Variants in SLC25A15 observed in about 807,000 individuals in gnomAD.
The protein encoded by SLC25A15 is mitochondrial ornithine transporter 1.
SLC25A15 carries 24 observed loss-of-function variants against 32.3 expected under a neutral mutation model. The ratio of observed to expected loss-of-function variants is 0.74; its 90% CI spans 0.54 to 1.04. The LOEUF (loss-of-function observed/expected upper bound fraction) is 1.04. SLC25A15 is among the 50% of genes least tolerant of loss of function. The pLI is 0.00. For missense variants in SLC25A15, 317 were observed against 374.5 expected (o/e 0.85, Z 1.27); for synonymous variants, 132 against 142.1 (o/e 0.93, Z 0.51).
At chr13:40,797,988 A>G (rs963491683) in intron 2 of SLC25A15, among the ~76,000 whole-genome samples, 17 of 152,290 alleles carry the variant, frequency 1.1e-4, no homozygotes, top group African/African-American at 4.1e-4. Context: ...AATTTTTACT[A>G]AAATGATTTC....
chr13:40,793,155 C>A lies in SLC25A15; in HGVS notation c.-69-3C>A, dbSNP rs1248402586. ...CTAATGGTGAACTCTTGCCTCCCCC[C>A]AGGGATATGTGGTGCCTGTCATAAG... On this transcript the variant is annotated splice_region_variant and splice_polypyrimidine_tract_variant and intron_variant, in intron 1 of 6. Coordinates refer to ENST00000338625, the MANE Select transcript of SLC25A15 (RefSeq NM_014252.4). The A allele has an allele frequency of 1.1e-5, 16 of 1,502,938 alleles. No homozygotes were observed. The East Asian group carries it at 3.2e-4, about 30-fold the overall frequency. 93.1% of individuals were successfully genotyped at this position (1,502,938 alleles called of 1,614,324 possible).
At chr13:40,799,936 T>C (rs1881815498) in intron 3 of SLC25A15, among the ~76,000 whole-genome samples, 1 of 152,244 alleles carries the variant, frequency 6.6e-6, no homozygotes, top group South Asian at 2.1e-4. Flanking sequence ...TCTGTCCAAA[T>C]CTTCCCAAAA....
At chr13:40,802,578 C>CTT (rs796900075) in intron 3 of SLC25A15, among the ~76,000 whole-genome samples, 21 of 141,174 alleles carry the variant, frequency 1.5e-4, no homozygotes, top group South Asian at 2.3e-4. Context: ...TCCATCTGTG[C>CTT]TTTTTTTTTT....
chr13:40,809,222 G>T (rs1443277990), intron 6 of SLC25A15, among the ~76,000 whole-genome samples: 3 of 152,202 alleles, frequency 2.0e-5, no homozygotes, highest in African/African-American at 7.2e-5. Context: ...CTGCAAAGCT[G>T]CTGCCACCTC....
intron 4 of SLC25A15, among the ~76,000 whole-genome samples, 193 bp downstream of exon 4, chr13:40,805,448 A>T (rs529962474): frequency 1.3e-5 from 2 of 152,340 alleles, no homozygotes; most frequent in South Asian, 4.1e-4. Context: ...CACCCACTGC[A>T]TAAAAAGTCT....
intron 5 of SLC25A15, among the ~76,000 whole-genome samples, chr13:40,807,707 A>G (rs958183407): frequency 6.6e-6 from 1 of 152,236 alleles, no homozygotes; most frequent in Non-Finnish European, 1.5e-5. Flanking sequence ...TCTTACTGGA[A>G]TAAAGTTTTT....
intron 1 of SLC25A15, among the ~76,000 whole-genome samples, chr13:40,791,255 A>T (rs1881482660): frequency 6.6e-6 from 1 of 151,806 alleles, no homozygotes; most frequent in Non-Finnish European, 1.5e-5. Context: ...GTCTTGCTCC[A>T]GGCTTTAGTT....
chr13:40,791,928 G>T (rs921307543), intron 1 of SLC25A15, among the ~76,000 whole-genome samples: 2 of 152,178 alleles, frequency 1.3e-5, no homozygotes, highest in African/African-American at 4.8e-5. Context: ...GACGTTCAGG[G>T]TGACATTGGT....
At chr13:40,799,026 G>C in intron 2 of SLC25A15, 31 bp from the exon 3 acceptor site, 6 of 1,614,132 alleles carry the variant, frequency 3.7e-6, no homozygotes, top group Non-Finnish European at 4.2e-6. Flanking sequence ...CTGTAGCCTC[G>C]TACTAGAGCA....
At chr13:40,798,684 T>G in intron 2 of SLC25A15, 1 of 777,710 alleles carries the variant, frequency 1.3e-6, no homozygotes, top group Non-Finnish European at 1.6e-6. Flanking sequence ...ACGCTAACCC[T>G]GTGAGGTGGC....
intron 2 of SLC25A15, among the ~76,000 whole-genome samples, chr13:40,795,931 C>T (rs1263089978): frequency 6.6e-6 from 1 of 152,148 alleles, no homozygotes; most frequent in Non-Finnish European, 1.5e-5. Flanking sequence ...GGACTGTGAT[C>T]CCTGGGTCCC....
chr13:40,802,801 T>C (rs908990024), intron 3 of SLC25A15, among the ~76,000 whole-genome samples: 3 of 152,112 alleles, frequency 2.0e-5, no homozygotes, highest in African/African-American at 7.2e-5. Flanking sequence ...CTTGATCTCT[T>C]GACCTCGTGA....
In SLC25A15 at chr13:40,810,631, CA is replaced by C; in HGVS notation, c.*965del. On this transcript the variant is annotated 3_prime_UTR_variant, in exon 7 of 7. Coordinates refer to ENST00000338625, the MANE Select transcript of SLC25A15 (RefSeq NM_014252.4). ...AGATGCTCTACTCTTAAAATAGTGC[CA>C]TTCATTTTCTAGGTGGGATCATATT... 1 of 406,786 alleles carries C rather than the reference CA, an allele frequency of 2.5e-6. No individual in the cohort carries two copies. The highest frequency in any genetic ancestry group is 4.9e-6 in the Non-Finnish European group (1 of 204,224). 25.2% of individuals were successfully genotyped at this position (406,786 alleles called of 1,614,324 possible). A position where few individuals can be genotyped will look rare whatever the true frequency, so the allele number is the denominator to read the frequency against.
Position 40,810,710 on chromosome 13 carries a change from T to C in SLC25A15, c.*1043T>C. 3 of 533,072 alleles carry C rather than the reference T, an allele frequency of 5.6e-6. No individual in the cohort carries two copies. In the Admixed American group the frequency reaches 5.8e-5, roughly 10 times the overall value. The allele number at this position is 533,072 out of a possible 1,614,324, so 33.0% of individuals were successfully genotyped here. A position where few individuals can be genotyped will look rare whatever the true frequency, so the allele number is the denominator to read the frequency against. ...CCCAGAGGGTCAGGCCTTTGGGAAA[T>C]AGCATGGCCTTTACCAGCTTCCCTT... is the stretch of plus-strand genomic sequence containing the variant. On this transcript the variant is annotated 3_prime_UTR_variant, in exon 7 of 7. Transcript: ENST00000338625.
rs1881570859 is a variant in SLC25A15, at chr13:40,793,226, C to T, written c.-1C>T. The T allele has an allele frequency of 1.2e-6, 2 of 1,614,128 alleles. No individual in the cohort carries two copies. The highest frequency in any genetic ancestry group is 1.7e-5 in the Admixed American group (1 of 60,014). On this transcript the variant is annotated 5_prime_UTR_variant, in exon 2 of 7. Transcript: ENST00000338625. ...CAAGACCAGCAGAAGAGTGGGCAAA[C>T]ATGAAATCCAATCCTGCTATCCAGG...
intron 3 of SLC25A15, among the ~76,000 whole-genome samples, chr13:40,800,192 C>G (rs2282023): frequency 0.57 from 86,674 of 152,084 alleles, 24,955 homozygotes; most frequent in African/African-American, 0.64. Context: ...GTGCACAGCA[C>G]TGTTCTCTGG....
intron 1 of SLC25A15, among the ~76,000 whole-genome samples, chr13:40,791,501 G>A (rs1881502945): frequency 6.6e-6 from 1 of 151,776 alleles, no homozygotes; most frequent in African/African-American, 2.4e-5. Context: ...GGGACTACAG[G>A]TGTGCATCAC....
intron 1 of SLC25A15, among the ~76,000 whole-genome samples, chr13:40,791,279 A>G (rs1411146101): frequency 6.6e-6 from 1 of 151,246 alleles, no homozygotes; most frequent in Non-Finnish European, 1.5e-5. Flanking sequence ...CTTCTGGGAA[A>G]GGATTAGGAC....
intron 5 of SLC25A15, among the ~76,000 whole-genome samples, 174 bp downstream of exon 5, chr13:40,807,637 C>T (rs978303386): frequency 1.3e-5 from 2 of 152,098 alleles, no homozygotes; most frequent in Admixed American, 6.6e-5. Flanking sequence ...TTGATAGCAC[C>T]CACCCTCCAG....
Sources: allele counts gnomAD v4.1 joint callset (sites outside exome capture counted in the v4.1 genomes callset), GRCh38; gene constraint gnomAD v4.1.1; transcripts MANE v1.5; gene names NCBI Gene and HGNC (gene_info 2026-07-23, HGNC 2026-07-21).